The following VPS13C variants were observed in gnomAD, a reference collection of about 807,000 sequenced individuals.
VPS13C encodes vacuolar protein sorting 13 homolog C.
In VPS13C, 358 loss-of-function variants were observed where a neutral mutation model predicts 456.8. The ratio of observed to expected loss-of-function variants is 0.78; its 90% confidence interval spans 0.72 to 0.86. VPS13C has a LOEUF of 0.86. VPS13C is among the 40% of genes least tolerant of loss of function. The probability of loss-of-function intolerance (pLI) is 0.00; values close to 1 mark genes in which losing one functional copy is unlikely to be tolerated. For missense variants in VPS13C, 4,818 were observed against 4,385.4 expected (o/e 1.10, Z -2.79); for synonymous variants, 1,578 against 1,486.7 (o/e 1.06, Z -1.41).
At chr15:62,046,871 A>T (rs1457105453) in intron 1 of VPS13C, among the ~76,000 whole-genome samples, 1 of 152,202 alleles carries the variant, frequency 6.6e-6, no homozygotes, top group Non-Finnish European at 1.5e-5. Context: ...GTATATTTAG[A>T]CAGACTGTCA....
Position 61,920,209 on chromosome 15 carries a change from C to A in VPS13C, c.7335G>T (p.Met2445Ile). Residue 2445 changes from methionine to isoleucine, a missense_variant, in exon 57 of 85, where the codon ATG becomes ATT. By Grantham distance (10) the Met-to-Ile change is conservative. Transcript: ENST00000644861. ...KVKPNCNLRV[M>I]GFPEKSDIFD... ...AAATATCACTTTTCTCAGGGAAGCC[C>A]ATTACTCTGAGATTACAATTGGGCT... The A allele has an allele frequency of 6.2e-7, 1 of 1,613,584 alleles. No homozygotes were observed. The highest frequency in any genetic ancestry group is 8.5e-7 in the Non-Finnish European group (1 of 1,179,656).
chr15:62,002,202 A>C (rs937929575), intron 15 of VPS13C, among the ~76,000 whole-genome samples: 8 of 152,124 alleles, frequency 5.3e-5, no homozygotes, highest in Non-Finnish European at 1.5e-5. Flanking sequence ...CGTTTTAATG[A>C]TCGCCATTCT....
At position 62,019,061 on chromosome 15, in the gene VPS13C, T is replaced by C. The variant is rs193233345; in HGVS notation, c.684+1418A>G. 2.6e-3 allele frequency among the ~76,000 whole-genome samples: 396 copies of C among 152,332 alleles called. 1 individual carries two copies. The highest frequency in any genetic ancestry group is 2.5e-3 in the East Asian group (13 of 5,190). ...ATTTGTCCATTTCTTCTAGATTTTC[T>C]AGTTTATTTGCGTAGAGGTGTTTAT... On this transcript the variant is annotated intron_variant, in intron 9 of 84. Transcript: ENST00000644861.
Position 61,990,880 on chromosome 15 carries a change from T to C in VPS13C, c.1578+120A>G, listed in dbSNP as rs2046202827. ...AAAACCTGACTGAAACATTCAACCA[T>C]TAAGTAGCAGAGTGGAATTAATAAC... is the stretch of plus-strand genomic sequence containing the variant. On this transcript the variant is annotated intron_variant, in intron 18 of 84. Coordinates refer to ENST00000644861, the MANE Select transcript of VPS13C (RefSeq NM_020821.3). The C allele has an allele frequency of 9.0e-6, 6 of 663,082 alleles. No homozygotes were observed. In the South Asian group the frequency reaches 1.1e-4, roughly 12 times the overall value. 41.1% of individuals were successfully genotyped at this position (663,082 alleles called of 1,614,324 possible).
chr15:61,911,192 C>A (rs925012451), intron 63 of VPS13C, among the ~76,000 whole-genome samples: 1 of 152,144 alleles, frequency 6.6e-6, no homozygotes, highest in Non-Finnish European at 1.5e-5. Flanking sequence ...ATCTTTGCAC[C>A]TGTCCTCTTC....
At chr15:61,859,958 G>C (rs1393164130) in intron 82 of VPS13C, among the ~76,000 whole-genome samples, 1 of 151,896 alleles carries the variant, frequency 6.6e-6, no homozygotes, top group Non-Finnish European at 1.5e-5. Flanking sequence ...TTGAGAACTT[G>C]TGTTTTGATT....
intron 14 of VPS13C, 46 bp downstream of exon 14, chr15:62,008,609 T>C: frequency 7.3e-7 from 1 of 1,370,276 alleles, no homozygotes; most frequent in Non-Finnish European, 1.0e-6. Context: ...TAACTAAATA[T>C]ATGATTATAT....
intron 4 of VPS13C, 96 bp downstream of exon 4, chr15:62,034,861 C>A: frequency 1.3e-6 from 1 of 780,248 alleles, no homozygotes. Context: ...AAATTACCTT[C>A]TATCTTAATA....
rs567191560 is a variant in VPS13C at position 61,920,505 on chromosome 15, A to C, written c.7205T>G (p.Leu2402Ter). 1 of 1,530,648 alleles carries C rather than the reference A, an allele frequency of 6.5e-7. No individual in the cohort carries two copies. The highest frequency in any genetic ancestry group is 8.8e-7 in the Non-Finnish European group (1 of 1,139,898). 94.8% of individuals were successfully genotyped at this position (1,530,648 alleles called of 1,614,324 possible). A position where few individuals can be genotyped will look rare whatever the true frequency, so the allele number is the denominator to read the frequency against. ...SKSCLNVFNNLAKGFSEGTAS... is the reference protein window; with the variant it reads ...SKSCLNVFNN Reference sequence around the variant, plus strand: ...AGCAAGATTCAGACATACTTTTGCTAAATTGTTGAAAACATTAAGACAACT... The same window carrying C: ...AGCAAGATTCAGACATACTTTTGCTCAATTGTTGAAAACATTAAGACAACT... The change falls in exon 56 of 85, where the codon TTA becomes TGA. Residue 2402 changes from leucine (L) to a stop codon, truncating the protein, a stop_gained. Coordinates refer to ENST00000644861, the MANE Select transcript of VPS13C (RefSeq NM_020821.3). LOFTEE classifies it high-confidence loss of function.
chr15:61,982,802 A>C (rs2045927423), intron 20 of VPS13C, among the ~76,000 whole-genome samples: 1 of 152,212 alleles, frequency 6.6e-6, no homozygotes, highest in Non-Finnish European at 1.5e-5. Flanking sequence ...TAAGGTGTAA[A>C]GTATGTTCTA....
chr15:62,004,757 T>C (rs2046772698), intron 15 of VPS13C, among the ~76,000 whole-genome samples: 1 of 150,342 alleles, frequency 6.7e-6, no homozygotes, highest in African/African-American at 2.4e-5. Context: ...CATCTTTATT[T>C]CTGCCTTCAT....
At position 61,927,032 on chromosome 15, in the gene VPS13C, A is replaced by G. The variant is rs62009109; in HGVS notation, c.6516+59T>C. Reference sequence around the variant, plus strand: ...CAGAGCTCTCATATTCTAGGATTCTATGAATCAACTGTTTCTGCCATTCTT... The same window carrying G: ...CAGAGCTCTCATATTCTAGGATTCTGTGAATCAACTGTTTCTGCCATTCTT... On this transcript the variant is annotated intron_variant, in intron 52 of 84. Coordinates refer to ENST00000644861, the MANE Select transcript of VPS13C (RefSeq NM_020821.3). 103,887 of 1,448,450 alleles carry G rather than the reference A, an allele frequency of 0.072. 4,046 individuals are homozygous for G. The highest frequency in any genetic ancestry group is 0.083 in the Middle Eastern group (464 of 5,612). 89.7% of individuals were successfully genotyped at this position (1,448,450 alleles called of 1,614,324 possible). A position where few individuals can be genotyped will look rare whatever the true frequency, so the allele number is the denominator to read the frequency against.
intron 32 of VPS13C, among the ~76,000 whole-genome samples, chr15:61,963,486 A>G (rs1329514030): frequency 6.6e-6 from 1 of 152,062 alleles, no homozygotes; most frequent in Non-Finnish European, 1.5e-5. Context: ...AAAAAAAAAG[A>G]TTAAAAAGTT....
At chr15:62,058,748 C>T (rs1025814921) in intron 1 of VPS13C, among the ~76,000 whole-genome samples, 4 of 152,140 alleles carry the variant, frequency 2.6e-5, no homozygotes, top group Non-Finnish European at 5.9e-5. Context: ...AAATGATCAG[C>T]CACCTATTAA....
chr15:62,060,136 C>A, intron 1 of VPS13C, 139 bp downstream of exon 1: 1 of 429,830 alleles, frequency 2.3e-6, no homozygotes, highest in South Asian at 2.4e-5. Flanking sequence ...GGCAGAGGCT[C>A]CCGCATCTAG....
At chr15:62,053,429 T>C (rs994909846) in intron 1 of VPS13C, among the ~76,000 whole-genome samples, 3 of 152,242 alleles carry the variant, frequency 2.0e-5, no homozygotes, top group African/African-American at 7.2e-5. Context: ...TTCATTTATC[T>C]TGTCACTGTC....
In VPS13C at chr15:61,913,358, C is replaced by T. The variant is rs2043359646; in HGVS notation, c.8503G>A (p.Gly2835Arg). The T allele has an allele frequency of 6.2e-7, 1 of 1,613,936 alleles. No homozygotes were observed. Among genetic ancestry groups the T allele is most frequent in the Admixed American group, 1.7e-5 (1 of 60,000 alleles). Residue 2835 changes from glycine to arginine, a missense_variant, in exon 62 of 85, where the codon GGA becomes AGA. Gly to Arg is a moderately radical substitution (Grantham distance 125). Around this residue, in one of 3 missense-constraint regions of VPS13C, gnomAD observed 4,552 missense variants for 4,130.6 expected, o/e 1.10. Coordinates refer to ENST00000644861, the MANE Select transcript of VPS13C (RefSeq NM_020821.3). Reference protein sequence around the residue: ...WSSSFSLDTVGSYGCVKCPAN... With the variant: ...WSSSFSLDTVRSYGCVKCPAN... Reference sequence around the variant, plus strand: ...GGACACTTCACACACCCATAACTTCCCACTGTATCCAATGAGAAACTACTG... The same window carrying T: ...GGACACTTCACACACCCATAACTTCTCACTGTATCCAATGAGAAACTACTG...
chr15:62,060,260 C>A lies in VPS13C; in HGVS notation c.100+15G>T. The A allele has an allele frequency of 6.4e-7, 1 of 1,563,276 alleles. No homozygotes were observed. Among genetic ancestry groups the A allele is most frequent in the Non-Finnish European group, 8.8e-7 (1 of 1,142,200 alleles). ...CTCAGCGCCCGCAGCCCACTGGCCG[C>A]GCCCTCTCGCTTACCGCCCCAGATG... On this transcript the variant is annotated intron_variant, in intron 1 of 84. Coordinates refer to ENST00000644861, the MANE Select transcript of VPS13C (RefSeq NM_020821.3).
At chr15:61,951,768 AAGGT>A (rs1370364834) in intron 39 of VPS13C, 52 bp downstream of exon 39, 1 of 1,514,478 alleles carries the variant, frequency 6.6e-7, no homozygotes, top group Non-Finnish European at 8.9e-7. Context: ...TGTTGATAAA[AAGGT>A]AGGGATCATC....
Sources: allele counts gnomAD v4.1 joint callset (sites outside exome capture counted in the v4.1 genomes callset), GRCh38; gene constraint gnomAD v4.1.1; regional missense constraint gnomAD v4.1.1; transcripts MANE v1.5; gene names NCBI Gene and HGNC (gene_info 2026-07-23, HGNC 2026-07-21).